ZNF215: variants seen among roughly 807,000 people sequenced by gnomAD.
ZNF215 encodes BWSCR2-associated zinc finger protein 2.
A neutral mutation model predicts 27.2 loss-of-function variants in ZNF215; 24 were observed. The ratio of observed to expected loss-of-function variants is 0.88; its 90% CI spans 0.64 to 1.24. The LOEUF is 1.24. Among genes scored for constraint, ZNF215 ranks in the 50% most tolerant of loss-of-function variants. ZNF215 has a pLI of 0.00. For missense variants in ZNF215, 675 were observed against 605.7 expected, an observed-to-expected ratio of 1.11 and a Z score of -1.20; for synonymous variants, 210 against 204.0, an observed-to-expected ratio of 1.03 and a Z score of -0.25.
downstream of ZNF215, among the ~76,000 whole-genome samples, chr11:6,985,484 A>T (rs1851039339): frequency 6.6e-6 from 1 of 152,208 alleles, no homozygotes; most frequent in African/African-American, 2.4e-5. Context: ...AAACTAGAAC[A>T]AGACAAAGAT....
chr11:6,941,832 C>A (rs1849640362), intron 4 of ZNF215, among the ~76,000 whole-genome samples, 179 bp downstream of exon 4: 1 of 152,166 alleles, frequency 6.6e-6, no homozygotes, highest in Non-Finnish European at 1.5e-5. Flanking sequence ...GCCATATAGT[C>A]TCTGTGTATC....
At chr11:6,949,519 A>C (rs920661691) in intron 6 of ZNF215, among the ~76,000 whole-genome samples, 2 of 151,950 alleles carry the variant, frequency 1.3e-5, no homozygotes, top group African/African-American at 4.8e-5. Flanking sequence ...GCATTTTTTC[A>C]TGTGTTTTTT....
At chr11:6,981,170 C>T (rs1438405684) in intron 5 of ZNF215, among the ~76,000 whole-genome samples, 16 of 150,430 alleles carry the variant, frequency 1.1e-4, no homozygotes, top group Non-Finnish European at 1.5e-5. Context: ...TTCTAGATCC[C>T]TGAGGAATCA....
At chr11:6,980,535 GTTC>G (rs773876273) in intron 5 of ZNF215, among the ~76,000 whole-genome samples, 4 of 151,874 alleles carry the variant, frequency 2.6e-5, no homozygotes, top group Admixed American at 6.6e-5. Context: ...TTTCCTTTTT[GTTC>G]TTGAGTATTA....
intron 3 of ZNF215, among the ~76,000 whole-genome samples, chr11:6,933,010 T>G (rs768229500): frequency 5.9e-5 from 9 of 152,230 alleles, no homozygotes; most frequent in Non-Finnish European, 8.8e-5. Flanking sequence ...TGTCTATGAT[T>G]GCTTTTGTGC....
intron 5 of ZNF215, among the ~76,000 whole-genome samples, chr11:6,966,956 CCT>C (rs1204116501): frequency 2.0e-5 from 3 of 151,952 alleles, no homozygotes; most frequent in Non-Finnish European, 2.9e-5. Flanking sequence ...GCTATCCCTC[CCT>C]GATTCCCCTA....
Position 6,957,666 on chromosome 11 carries a change from AT to A in ZNF215, c.*1137del, listed in dbSNP as rs1850419940. On this transcript the variant is annotated 3_prime_UTR_variant, in exon 7 of 7. Coordinates refer to ENST00000278319, the MANE Select transcript of ZNF215 (RefSeq NM_013250.4). ...TTTGTATCCATTAGTCTATGGTAAA[AT>A]TGGTTTTGTTATACATCATTTCACT... The A allele has an allele frequency of 1.2e-6, 1 of 808,020 alleles. No homozygotes were observed. The highest frequency in any genetic ancestry group is 1.9e-5 in the African/African-American group (1 of 53,506). The allele number at this position is 808,020 out of a possible 1,614,324, so 50.1% of individuals were successfully genotyped here. A position where few individuals can be genotyped will look rare whatever the true frequency, so the allele number is the denominator to read the frequency against.
intron 6 of ZNF215, among the ~76,000 whole-genome samples, chr11:6,953,095 A>C (rs6578812): frequency 6.6e-6 from 1 of 151,734 alleles, no homozygotes; most frequent in African/African-American, 2.4e-5. Flanking sequence ...AGTTTCTGCC[A>C]AGAGATCCGC....
intron 5 of ZNF215, among the ~76,000 whole-genome samples, chr11:6,979,698 T>C (rs76224885): frequency 0.021 from 3,206 of 152,162 alleles, 122 homozygotes; most frequent in African/African-American, 0.073. Context: ...TAACAGGTAG[T>C]TCTATTAATT....
downstream of ZNF215, among the ~76,000 whole-genome samples, chr11:6,958,837 G>A (rs993911592): frequency 6.6e-6 from 1 of 152,166 alleles, no homozygotes; most frequent in African/African-American, 2.4e-5. Context: ...GATGTTCAAG[G>A]GTAGGAAGCA....
chr11:6,948,905 C>T (rs1380360006), intron 6 of ZNF215, among the ~76,000 whole-genome samples: 1 of 110,122 alleles, frequency 9.1e-6, no homozygotes, highest in Non-Finnish European at 1.8e-5. Context: ...CCCCCTCCCC[C>T]CACCCCACAA....
At chr11:6,970,062 G>A (rs146248432) in intron 5 of ZNF215, among the ~76,000 whole-genome samples, 6 of 152,162 alleles carry the variant, frequency 3.9e-5, no homozygotes, top group African/African-American at 9.6e-5. Context: ...GATTACAAGC[G>A]TGAGCCACTG....
intron 3 of ZNF215, among the ~76,000 whole-genome samples, chr11:6,935,356 A>G (rs1340784979): frequency 6.6e-6 from 1 of 152,224 alleles, no homozygotes; most frequent in Non-Finnish European, 1.5e-5. Context: ...TAATACACAC[A>G]ATGCATCTGC....
Position 6,926,628 on chromosome 11 carries a change from C to G in ZNF215, c.-383C>G, listed in dbSNP as rs550536584. On this transcript the variant is annotated 5_prime_UTR_variant, in exon 1 of 7. Coordinates refer to ENST00000278319, the MANE Select transcript of ZNF215 (RefSeq NM_013250.4). ...CCTAGTTGCAGCGTGATTACCAACG[C>G]CAGCTCCCTTCACTGTCCAAGACAG... is the stretch of plus-strand genomic sequence containing the variant. 4 of 152,242 alleles carry G rather than the reference C, an allele frequency of 2.6e-5. No individual in the cohort carries two copies. The highest frequency in any genetic ancestry group is 9.7e-5 in the African/African-American group (4 of 41,442). The allele number at this position is 152,242 out of a possible 1,614,324, so 9.4% of individuals were successfully genotyped here.
At chr11:6,981,509 G>C (rs1043718898) in intron 5 of ZNF215, among the ~76,000 whole-genome samples, 1 of 152,144 alleles carries the variant, frequency 6.6e-6, no homozygotes, top group African/African-American at 2.4e-5. Flanking sequence ...CTGGATATCA[G>C]CCTTTTGTCA....
At chr11:6,962,597 G>C (rs75210841), downstream of ZNF215, among the ~76,000 whole-genome samples, 100 of 152,168 alleles carry the variant, frequency 6.6e-4, no homozygotes, top group East Asian at 0.016. Context: ...AAGTTTGACT[G>C]TTCATCTCAC....
intron 5 of ZNF215, among the ~76,000 whole-genome samples, chr11:6,973,056 C>T (rs1323843870): frequency 6.6e-6 from 1 of 151,994 alleles, no homozygotes; most frequent in Non-Finnish European, 1.5e-5. Flanking sequence ...TCCCTCCCAC[C>T]CCACAACAGG....
intron 5 of ZNF215, among the ~76,000 whole-genome samples, chr11:6,968,900 C>A (rs1408022909): frequency 1.3e-5 from 2 of 151,960 alleles, no homozygotes; most frequent in African/African-American, 2.4e-5. Context: ...TAATTCATGT[C>A]CCTTTTTCCT....
In ZNF215 at chr11:6,955,944, G is replaced by C. The variant is rs2239730; in HGVS notation, c.967G>C (p.Val323Leu). 0.21 allele frequency: 335,511 copies of C among 1,612,506 alleles called. 37,006 individuals are homozygous for C. Among genetic ancestry groups the C allele is most frequent in the African/African-American group, 0.34 (25,094 of 74,830 alleles). Reference protein sequence around the residue: ...NSVSSICAIQVGIPSRKGSPK... With the variant: ...NSVSSICAIQLGIPSRKGSPK... The stretch of plus-strand genomic sequence containing the variant: ...AGTTAGCTCAATTTGTGCTATACAA[G>C]TGGGAATTCCTTCAAGAAAGGGGTC... The change falls in exon 7 of 7, where the codon GTG (valine) becomes CTG (leucine). Residue 323 changes from valine (V) to leucine (L), a missense_variant. Physicochemically the swap from Val to Leu is conservative, Grantham distance 32. Coordinates refer to ENST00000278319, the MANE Select transcript of ZNF215 (RefSeq NM_013250.4).
Sources: allele counts gnomAD v4.1 joint callset (sites outside exome capture counted in the v4.1 genomes callset), GRCh38; gene constraint gnomAD v4.1.1; transcripts MANE v1.5; gene names NCBI Gene and HGNC (gene_info 2026-07-23, HGNC 2026-07-21).